The following EPHA6 variants were observed in gnomAD, a reference collection of about 807,000 sequenced individuals.
EPHA6 encodes the protein ephrin type-A receptor 6.
Under a neutral mutation model 112.0 loss-of-function variants are expected in EPHA6, and 50 were observed. The ratio of observed to expected loss-of-function variants is 0.45; its 90% CI spans 0.36 to 0.56. EPHA6 has a LOEUF of 0.56. Among genes scored for constraint, EPHA6 ranks in the 20% least tolerant of loss-of-function variants. EPHA6 has a pLI of 0.00. For synonymous variants in EPHA6, 529 were observed against 490.7 expected, an observed-to-expected ratio of 1.08 and a Z score of -1.03; for missense variants, 1,280 against 1,417.4, an observed-to-expected ratio of 0.90 and a Z score of 1.56.
At chr3:97,206,811 C>T (rs188615623) in intron 3 of EPHA6, among the ~76,000 whole-genome samples, 87 of 152,224 alleles carry the variant, frequency 5.7e-4, no homozygotes, top group Middle Eastern at 3.4e-3. Flanking sequence ...ACTTATTATA[C>T]ATTTATCAAA....
intron 15 of EPHA6, among the ~76,000 whole-genome samples, chr3:97,728,504 C>T (rs567166392): frequency 6.6e-6 from 1 of 152,052 alleles, no homozygotes. Context: ...TATAGAGGTC[C>T]ATCTAAGCAC....
At chr3:97,019,947 C>T (rs1255219337) in intron 3 of EPHA6, among the ~76,000 whole-genome samples, 2 of 152,158 alleles carry the variant, frequency 1.3e-5, no homozygotes, top group East Asian at 1.9e-4. Context: ...CATGCTTTTT[C>T]GCATATAACT....
intron 2 of EPHA6, among the ~76,000 whole-genome samples, chr3:96,949,798 A>G (rs2041448739): frequency 6.6e-6 from 1 of 152,076 alleles, no homozygotes; most frequent in Admixed American, 6.6e-5. Context: ...TACTCTCTCT[A>G]GGACATCTCA....
At position 96,814,621 on chromosome 3, in the gene EPHA6, T is replaced by G. The variant is rs757770180; in HGVS notation, c.-3T>G. ...TCCTCGCGCAAGCGGGACACTGTGGTGGATGCAATTCCCCTCGCCTCCAGC... is the reference window on the plus strand; with the variant it reads ...TCCTCGCGCAAGCGGGACACTGTGGGGGATGCAATTCCCCTCGCCTCCAGC... On this transcript the variant is annotated 5_prime_UTR_variant, in exon 1 of 18. Coordinates refer to ENST00000389672, the MANE Select transcript of EPHA6 (RefSeq NM_001080448.3). 1.4e-6 allele frequency: 2 copies of G among 1,442,690 alleles called. No homozygotes were observed. The highest frequency in any genetic ancestry group is 1.6e-5 in the South Asian group (1 of 63,776). 89.4% of individuals were successfully genotyped at this position (1,442,690 alleles called of 1,614,324 possible).
intron 1 of EPHA6, among the ~76,000 whole-genome samples, chr3:96,834,162 C>A (rs1017755636): frequency 2.0e-5 from 3 of 151,884 alleles, no homozygotes; most frequent in African/African-American, 7.2e-5. Flanking sequence ...TGGATGATGA[C>A]CATTTACATA....
intron 3 of EPHA6, among the ~76,000 whole-genome samples, chr3:97,152,629 C>T (rs1050147357): frequency 1.3e-5 from 2 of 151,920 alleles, no homozygotes; most frequent in African/African-American, 4.8e-5. Context: ...ACCGAGGATT[C>T]AGCATTTACT....
intron 5 of EPHA6, among the ~76,000 whole-genome samples, chr3:97,325,851 T>C (rs770850577): frequency 3.3e-5 from 5 of 152,106 alleles, no homozygotes; most frequent in Non-Finnish European, 5.9e-5. Context: ...AAATATTTCA[T>C]TATTTTATTA....
At chr3:97,481,959 C>G (rs115115723) in intron 9 of EPHA6, among the ~76,000 whole-genome samples, 2,315 of 152,176 alleles carry the variant, frequency 0.015, 53 homozygotes, top group African/African-American at 0.052. Context: ...TAGCATAAAC[C>G]AAACCAGATG....
chr3:97,709,165 A>T (rs2033836974), intron 14 of EPHA6, among the ~76,000 whole-genome samples: 1 of 151,926 alleles, frequency 6.6e-6, no homozygotes, highest in Non-Finnish European at 1.5e-5. Context: ...CAAAAAAAAA[A>T]AAAAAAAGCC....
At chr3:96,952,224 G>T (rs1377390610) in intron 2 of EPHA6, among the ~76,000 whole-genome samples, 1 of 152,192 alleles carries the variant, frequency 6.6e-6, no homozygotes, top group African/African-American at 2.4e-5. Context: ...GCCTAGTACA[G>T]TGCCTAGCAC....
chr3:97,470,576 G>C (rs956565074), intron 7 of EPHA6, among the ~76,000 whole-genome samples: 8 of 151,560 alleles, frequency 5.3e-5, no homozygotes, highest in Non-Finnish European at 1.2e-4. Context: ...AAATTCTTTG[G>C]TTAAAAATAG....
intron 3 of EPHA6, among the ~76,000 whole-genome samples, chr3:97,166,545 T>C (rs2076547573): frequency 6.6e-6 from 1 of 152,102 alleles, no homozygotes; most frequent in Admixed American, 6.6e-5. Context: ...AATCCATATT[T>C]ATTCATATTT....
At chr3:97,052,162 T>C (rs1183658330) in intron 3 of EPHA6, among the ~76,000 whole-genome samples, 2 of 152,112 alleles carry the variant, frequency 1.3e-5, no homozygotes, top group Admixed American at 6.6e-5. Flanking sequence ...ACCCAAGCAT[T>C]CTGGCTCTAC....
At chr3:96,908,986 C>G (rs1343740905) in intron 2 of EPHA6, among the ~76,000 whole-genome samples, 1 of 151,744 alleles carries the variant, frequency 6.6e-6, no homozygotes, top group African/African-American at 2.4e-5. Context: ...GAACAGGAGC[C>G]AAAGGTTTCT....
chr3:97,370,618 C>T (rs983370135), intron 5 of EPHA6, among the ~76,000 whole-genome samples: 3 of 152,078 alleles, frequency 2.0e-5, no homozygotes, highest in African/African-American at 7.2e-5. Flanking sequence ...AAGAGGAAAA[C>T]ATGTAGTGGC....
intron 5 of EPHA6, among the ~76,000 whole-genome samples, chr3:97,304,995 C>CAA: frequency 6.6e-6 from 1 of 152,092 alleles, no homozygotes; most frequent in Admixed American, 6.6e-5. Flanking sequence ...ATCCATCTGA[C>CAA]AAAGTTCTAA....
intron 7 of EPHA6, among the ~76,000 whole-genome samples, chr3:97,456,331 C>T (rs1047678381): frequency 1.3e-5 from 2 of 152,114 alleles, no homozygotes; most frequent in African/African-American, 4.8e-5. Context: ...GTGTTATTAA[C>T]TATAGTCACC....
rs1343166731 is a variant in EPHA6 at position 97,760,353 on chromosome 3, A to T, written c.*11652A>T. 3.4e-5 allele frequency: 5 copies of T among 146,406 alleles called. No individual in the cohort carries two copies. Among genetic ancestry groups the T allele is most frequent in the Non-Finnish European group, 7.0e-5 (5 of 71,012 alleles). 9.1% of individuals were successfully genotyped at this position (146,406 alleles called of 1,614,324 possible). A position where few individuals can be genotyped will look rare whatever the true frequency, so the allele number is the denominator to read the frequency against. On this transcript the variant is annotated 3_prime_UTR_variant, in exon 18 of 18. Transcript: ENST00000389672. ...TTCTGGAGATATATATATATATATT[A>T]TATATATGTATATATACCATATGTA...
chr3:97,265,147 C>G (rs760519648), intron 5 of EPHA6, among the ~76,000 whole-genome samples: 43 of 152,060 alleles, frequency 2.8e-4, no homozygotes, highest in Admixed American at 1.3e-3. Flanking sequence ...AGGAAGTGGG[C>G]ACCAATTCAT....
Sources: allele counts gnomAD v4.1 joint callset (sites outside exome capture counted in the v4.1 genomes callset), GRCh38; gene constraint gnomAD v4.1.1; transcripts MANE v1.5; gene names NCBI Gene and HGNC (gene_info 2026-07-23, HGNC 2026-07-21).